Variants in VPS13B observed in about 807,000 individuals in gnomAD.
VPS13B encodes vacuolar protein sorting 13 homolog B, also known as intermembrane lipid transfer protein VPS13B.
In VPS13B, 285 loss-of-function variants were observed where a neutral mutation model predicts 426.4. That is an observed-to-expected ratio of 0.67 (90% confidence interval 0.61 to 0.74). VPS13B has a LOEUF of 0.74. Among genes scored for constraint, VPS13B ranks in the 30% least tolerant of loss-of-function variants. The probability of loss-of-function intolerance (pLI) is 0.00; values close to 1 mark genes in which losing one functional copy is unlikely to be tolerated. For synonymous variants in VPS13B, 1,676 were observed against 1,676.4 expected, an observed-to-expected ratio of 1.00 and a Z score of 0.01; for missense variants, 4,537 against 4,782.6, an observed-to-expected ratio of 0.95 and a Z score of 1.51.
chr8:99,168,133 A>T (rs952039149), intron 15 of VPS13B, among the ~76,000 whole-genome samples: 1 of 152,182 alleles, frequency 6.6e-6, no homozygotes, highest in Non-Finnish European at 1.5e-5. Context: ...AATATGACTC[A>T]TAATAATTTG....
At chr8:99,645,246 A>G (rs1829535368) in intron 34 of VPS13B, among the ~76,000 whole-genome samples, 1 of 152,220 alleles carries the variant, frequency 6.6e-6, no homozygotes, top group Non-Finnish European at 1.5e-5. Context: ...CCTGGGTTCA[A>G]ATTCTGTCAC....
chr8:99,191,726 T>G (rs1386120789), intron 16 of VPS13B, among the ~76,000 whole-genome samples: 1 of 152,092 alleles, frequency 6.6e-6, no homozygotes, highest in African/African-American at 2.4e-5. Context: ...TCCTGGGAAC[T>G]CCTCAGAGAC....
intron 3 of VPS13B, among the ~76,000 whole-genome samples, chr8:99,065,202 C>A (rs1452363624): frequency 6.6e-6 from 1 of 151,868 alleles, no homozygotes; most frequent in African/African-American, 2.4e-5. Flanking sequence ...TGTATCAACA[C>A]AACAAAAAAA....
At chr8:99,854,813 A>G (rs1429941774) in intron 56 of VPS13B, among the ~76,000 whole-genome samples, 4 of 152,156 alleles carry the variant, frequency 2.6e-5, no homozygotes, top group East Asian at 1.9e-4. Flanking sequence ...TGAGCCCTCT[A>G]TCTACCCAGT....
intron 36 of VPS13B, among the ~76,000 whole-genome samples, chr8:99,709,968 A>G (rs1832643542): frequency 6.6e-6 from 1 of 152,226 alleles, no homozygotes; most frequent in Admixed American, 6.5e-5. Context: ...TTCAGAATTT[A>G]AAGTTTTTAA....
intron 33 of VPS13B, among the ~76,000 whole-genome samples, chr8:99,622,812 G>A (rs760021470): frequency 2.0e-5 from 3 of 151,990 alleles, no homozygotes; most frequent in Non-Finnish European, 4.4e-5. Flanking sequence ...TTTCTTAGAC[G>A]TTGTATCTAA....
chr8:99,731,465 C>T (rs1434887613), intron 39 of VPS13B, among the ~76,000 whole-genome samples: 1 of 152,146 alleles, frequency 6.6e-6, no homozygotes, highest in Non-Finnish European at 1.5e-5. Flanking sequence ...ATAATTCTTT[C>T]ATCTTTGTTG....
At chr8:99,451,416 G>A (rs549656809) in intron 23 of VPS13B, among the ~76,000 whole-genome samples, 2 of 152,300 alleles carry the variant, frequency 1.3e-5, no homozygotes, top group East Asian at 3.9e-4. Context: ...GACAGATATG[G>A]TGCTTGCTTG....
chr8:99,525,022 A>G lies in VPS13B; in HGVS notation c.4745+4012A>G, dbSNP rs895540867. Among the ~76,000 whole-genome samples, 6 of 152,370 alleles carry G rather than the reference A, an allele frequency of 3.9e-5. No individual in the cohort carries two copies. The East Asian group carries it at 9.6e-4, about 24-fold the overall frequency. ...ATTTCATCAACATGAGACCTGTCCTACAAGAAATGCTAAAGGTAGTTCTTC... is the reference window on the plus strand; with the variant it reads ...ATTTCATCAACATGAGACCTGTCCTGCAAGAAATGCTAAAGGTAGTTCTTC... On this transcript the variant is annotated intron_variant, in intron 30 of 61. Coordinates refer to ENST00000357162, the MANE Select transcript of VPS13B (RefSeq NM_152564.5).
chr8:99,713,635 A>G (rs1034537091), intron 36 of VPS13B, among the ~76,000 whole-genome samples: 112 of 152,344 alleles, frequency 7.4e-4, no homozygotes, highest in African/African-American at 2.6e-3. Flanking sequence ...ACATACATAT[A>G]CTTCTTATCT....
intron 25 of VPS13B, among the ~76,000 whole-genome samples, chr8:99,496,028 G>A (rs1017782448): frequency 1.2e-4 from 18 of 152,050 alleles, no homozygotes; most frequent in African/African-American, 2.2e-4. Context: ...ATGGATGTGC[G>A]TATAAACATA....
chr8:99,570,238 A>G (rs1825405721), intron 31 of VPS13B, among the ~76,000 whole-genome samples: 1 of 152,088 alleles, frequency 6.6e-6, no homozygotes, highest in Non-Finnish European at 1.5e-5. Context: ...CTTATATTTC[A>G]TCATTTCTGG....
intron 13 of VPS13B, 60 bp downstream of exon 13, chr8:99,143,225 C>A: frequency 1.2e-6 from 2 of 1,603,660 alleles, no homozygotes; most frequent in Non-Finnish European, 1.7e-6. Flanking sequence ...ATTATATAAT[C>A]CAATTTGTGT....
intron 39 of VPS13B, among the ~76,000 whole-genome samples, chr8:99,752,345 C>T (rs1810437569): frequency 6.6e-6 from 1 of 152,212 alleles, no homozygotes; most frequent in Admixed American, 6.5e-5. Context: ...TGCTTTTCAT[C>T]TAATCAAGGG....
At chr8:99,456,250 C>A (rs1172378859) in intron 23 of VPS13B, among the ~76,000 whole-genome samples, 2 of 152,104 alleles carry the variant, frequency 1.3e-5, no homozygotes, top group East Asian at 1.9e-4. Context: ...CTCACTGCAA[C>A]CTCTGCCTCC....
intron 8 of VPS13B, among the ~76,000 whole-genome samples, chr8:99,130,222 A>G (rs1400322180): frequency 1.3e-5 from 2 of 152,188 alleles, no homozygotes; most frequent in Non-Finnish European, 2.9e-5. Context: ...CTTAGATTTG[A>G]AGAATGTTTG....
At chr8:99,719,555 G>A (rs893371361) in intron 37 of VPS13B, among the ~76,000 whole-genome samples, 5 of 151,924 alleles carry the variant, frequency 3.3e-5, no homozygotes, top group South Asian at 2.1e-4. Flanking sequence ...TCTTTTCTGC[G>A]TTACCTGGTT....
intron 2 of VPS13B, among the ~76,000 whole-genome samples, chr8:99,019,373 A>G (rs1363402685): frequency 6.6e-6 from 1 of 151,778 alleles, no homozygotes; most frequent in African/African-American, 2.4e-5. Context: ...CACCCGGCTA[A>G]TTTTTCTGTA....
chr8:99,569,113 C>T (rs952087305), intron 31 of VPS13B, among the ~76,000 whole-genome samples: 3 of 152,030 alleles, frequency 2.0e-5, no homozygotes, highest in South Asian at 2.1e-4. Context: ...TGAGCCACCA[C>T]GCCTGGCCGA....
Sources: allele counts gnomAD v4.1 joint callset (sites outside exome capture counted in the v4.1 genomes callset), GRCh38; gene constraint gnomAD v4.1.1; transcripts MANE v1.5; gene names NCBI Gene and HGNC (gene_info 2026-07-23, HGNC 2026-07-21).